FUNDC1: variants seen among roughly 807,000 people sequenced by gnomAD.
The protein encoded by FUNDC1 is FUN14 domain containing 1, also known as FUN14 domain-containing protein 1.
In FUNDC1, 10 loss-of-function variants were observed where a neutral mutation model predicts 14.5. The ratio of observed to expected loss-of-function variants is 0.69; its 90% confidence interval spans 0.43 to 1.17. The LOEUF is 1.17. Among genes scored for constraint, FUNDC1 ranks in the 50% most tolerant of loss-of-function variants. The pLI is 0.00. For synonymous variants in FUNDC1, 33 were observed against 39.7 expected (o/e 0.83, Z 0.64); for missense variants, 115 against 113.8 (o/e 1.01, Z -0.05).
chrX:44,538,028 C>T (rs1334177212), intron 3 of FUNDC1, among the ~76,000 whole-genome samples: 2 of 112,502 alleles, frequency 1.8e-5, no homozygotes, highest in African/African-American at 3.2e-5. Context: ...GTTGCCCAGG[C>T]GGGAGTGCAA....
chrX:44,536,922 G>C (rs888003034), intron 3 of FUNDC1, among the ~76,000 whole-genome samples: 8 of 112,023 alleles, frequency 7.1e-5, no homozygotes, highest in Non-Finnish European at 1.3e-4. Flanking sequence ...TACTAGAAAA[G>C]CTTTAAGTTC....
intron 3 of FUNDC1, among the ~76,000 whole-genome samples, chrX:44,528,946 C>T (rs1003222244): frequency 3.6e-5 from 4 of 111,707 alleles, no homozygotes; most frequent in Admixed American, 1.9e-4. Context: ...CCACCCGCCT[C>T]GGCCTCCCAA....
intron 1 of FUNDC1, 148 bp from the exon 2 acceptor site, chrX:44,542,249 TCAATTC>T (rs2038975242): frequency 4.4e-6 from 2 of 456,504 alleles, no homozygotes; most frequent in Admixed American, 8.4e-5. Context: ...TTTATTTAAC[TCAATTC>T]TTGAGACCAG....
chrX:44,535,161 C>G (rs192518501), intron 3 of FUNDC1, among the ~76,000 whole-genome samples: 36 of 109,703 alleles, frequency 3.3e-4, no homozygotes, highest in African/African-American at 1.2e-3. Context: ...AACAAACAAA[C>G]AAAAGACATA....
intron 3 of FUNDC1, among the ~76,000 whole-genome samples, chrX:44,531,091 A>G (rs2038920378): frequency 9.2e-6 from 1 of 108,799 alleles, no homozygotes; most frequent in Admixed American, 1.0e-4. Context: ...AAAATACAAA[A>G]ATTAGCCAGA....
In FUNDC1 at chrX:44,539,466, A is replaced by G. The variant is rs191253940; in HGVS notation, c.186-924T>C. Reference sequence around the variant, plus strand: ...CACAGAGGGAAGACGACATGTGAGGACAACAGAGGCAGAGACTGGAGTAAT... The same window carrying G: ...CACAGAGGGAAGACGACATGTGAGGGCAACAGAGGCAGAGACTGGAGTAAT... On this transcript the variant is annotated intron_variant, in intron 2 of 4. Coordinates refer to ENST00000378045, the MANE Select transcript of FUNDC1 (RefSeq NM_173794.4). Among the ~76,000 whole-genome samples, 250 of 111,371 alleles carry G rather than the reference A, an allele frequency of 2.2e-3. 1 individual carries two copies. Among genetic ancestry groups the G allele is most frequent in the African/African-American group, 7.9e-3 (242 of 30,642 alleles).
At chrX:44,541,912 A>G (rs754183837) in intron 2 of FUNDC1, 33 bp downstream of exon 2, 13 of 1,171,036 alleles carry the variant, frequency 1.1e-5, no homozygotes, top group Non-Finnish European at 1.4e-5. Context: ...CAGGCCCCCA[A>G]ATGAAATTTA....
chrX:44,536,157 CA>C (rs1250024663), intron 3 of FUNDC1, among the ~76,000 whole-genome samples: 5 of 108,503 alleles, frequency 4.6e-5, no homozygotes, highest in African/African-American at 1.7e-4. Flanking sequence ...ACTAAAAATA[CA>C]AAAATTAGCG....
At chrX:44,538,571 A>C in intron 2 of FUNDC1, 29 bp from the exon 3 acceptor site, 7 of 1,056,987 alleles carry the variant, frequency 6.6e-6, no homozygotes, top group Non-Finnish European at 9.3e-6. Flanking sequence ...AGATGAAAAC[A>C]ATCAATTATG....
At chrX:44,527,114 T>C in intron 4 of FUNDC1, 123 bp downstream of exon 4, 1 of 461,481 alleles carries the variant, frequency 2.2e-6, no homozygotes. Flanking sequence ...TCTAGATATA[T>C]AACCAAAAAC....
chrX:44,525,035 C>T (rs773956710), intron 4 of FUNDC1, among the ~76,000 whole-genome samples: 1 of 111,065 alleles, frequency 9.0e-6, no homozygotes, highest in African/African-American at 3.3e-5. Flanking sequence ...AAATGTTTAA[C>T]CAGAATAAAA....
intron 3 of FUNDC1, 95 bp downstream of exon 3, chrX:44,538,372 C>T: frequency 1.6e-6 from 1 of 620,370 alleles, no homozygotes; most frequent in Non-Finnish European, 2.6e-6. Flanking sequence ...AAGTCAGCTT[C>T]CAAAACTCAT....
At chrX:44,541,720 TGAG>T (rs1346934033) in intron 2 of FUNDC1, among the ~76,000 whole-genome samples, 3 of 110,303 alleles carry the variant, frequency 2.7e-5, no homozygotes, top group Non-Finnish European at 5.7e-5. Flanking sequence ...AAAAGAAGGA[TGAG>T]GAGGGAGAAG....
At chrX:44,529,603 T>TTG (rs774424771) in intron 3 of FUNDC1, among the ~76,000 whole-genome samples, 67 of 111,216 alleles carry the variant, frequency 6.0e-4, no homozygotes, top group Non-Finnish European at 1.0e-3. Context: ...AAATAAATGA[T>TTG]AACAAAGACA....
intron 4 of FUNDC1, among the ~76,000 whole-genome samples, chrX:44,526,307 G>A (rs1343852595): frequency 1.8e-5 from 2 of 109,691 alleles, no homozygotes; most frequent in African/African-American, 6.6e-5. Flanking sequence ...GCGCGTGCCT[G>A]TAATTCCAGC....
Position 44,523,991 on chromosome X carries a change from G to A in FUNDC1, c.*207C>T, listed in dbSNP as rs963792330. 24 of 370,122 alleles carry A rather than the reference G, an allele frequency of 6.5e-5. No homozygotes were observed. Among genetic ancestry groups the A allele is most frequent in the Non-Finnish European group, 9.5e-5 (20 of 211,117 alleles). The allele number at this position is 370,122 out of a possible 1,213,427, so 30.5% of individuals were successfully genotyped here. A position where few individuals can be genotyped will look rare whatever the true frequency, so the allele number is the denominator to read the frequency against. On this transcript the variant is annotated 3_prime_UTR_variant, in exon 5 of 5. Coordinates refer to ENST00000378045, the MANE Select transcript of FUNDC1 (RefSeq NM_173794.4). ...GCCACGTTTTGCTCAGGAATACTACGGTTCACATACCATATAGGTTGTTTT... is the reference window on the plus strand; with the variant it reads ...GCCACGTTTTGCTCAGGAATACTACAGTTCACATACCATATAGGTTGTTTT...
chrX:44,529,444 A>C (rs1031042629), intron 3 of FUNDC1, among the ~76,000 whole-genome samples: 2 of 111,033 alleles, frequency 1.8e-5, no homozygotes, highest in Admixed American at 1.9e-4. Context: ...CTTTGGAAGA[A>C]GACTTCCCTA....
intron 3 of FUNDC1, among the ~76,000 whole-genome samples, chrX:44,538,170 G>GA (rs1314551035): frequency 1.8e-5 from 2 of 111,845 alleles, no homozygotes; most frequent in East Asian, 5.6e-4. Context: ...TTTCAGTAGA[G>GA]ACGGGATTTC....
At chrX:44,538,648 T>C in intron 2 of FUNDC1, 106 bp from the exon 3 acceptor site, 1 of 615,478 alleles carries the variant, frequency 1.6e-6, no homozygotes. Flanking sequence ...TTTGCATTTC[T>C]TTTGATCACA....
Sources: allele counts gnomAD v4.1 joint callset (sites outside exome capture counted in the v4.1 genomes callset), GRCh38; gene constraint gnomAD v4.1.1; transcripts MANE v1.5; gene names NCBI Gene and HGNC (gene_info 2026-07-23, HGNC 2026-07-21).